The following MID1 variants were observed in gnomAD, a reference collection of about 807,000 sequenced individuals.
MID1 encodes the protein E3 ubiquitin-protein ligase Midline-1.
A neutral mutation model predicts 40.4 loss-of-function variants in MID1; 7 were observed. The observed-to-expected ratio is 0.17, with a 90% CI of 0.10 to 0.33. MID1 has a LOEUF of 0.33. Among genes scored for constraint, MID1 ranks in the 10% least tolerant of loss-of-function variants. The pLI is 1.00. For missense variants in MID1, 367 were observed against 558.5 expected, an observed-to-expected ratio of 0.66 and a Z score of 3.46; for synonymous variants, 229 against 221.2, an observed-to-expected ratio of 1.04 and a Z score of -0.31.
intron 1 of MID1, among the ~76,000 whole-genome samples, chrX:10,657,723 ATGATACTC>A (rs1389265390): frequency 8.9e-6 from 1 of 112,473 alleles, no homozygotes; most frequent in Non-Finnish European, 1.9e-5. Context: ...TTATGGGAGA[ATGATACTC>A]TGATATGGTT....
chrX:10,590,251 G>A (rs894601525), intron 1 of MID1, among the ~76,000 whole-genome samples: 12 of 111,668 alleles, frequency 1.1e-4, no homozygotes, highest in South Asian at 3.8e-4. Flanking sequence ...CTTAGGCGCC[G>A]GGCTACCTGC....
intron 2 of MID1, among the ~76,000 whole-genome samples, chrX:10,561,415 A>G (rs775884205): frequency 1.9e-5 from 2 of 107,127 alleles, no homozygotes; most frequent in South Asian, 7.4e-4. Context: ...AGAAACTACC[A>G]TCAGAGTGAA....
chrX:10,783,409 C>T (rs2043859311), intron 1 of MID1, among the ~76,000 whole-genome samples: 1 of 111,908 alleles, frequency 8.9e-6, no homozygotes, highest in African/African-American at 3.2e-5. Context: ...TTCCTCATCA[C>T]CTTTTTTTCT....
chrX:10,739,316 C>T (rs188484214), intron 1 of MID1, among the ~76,000 whole-genome samples: 137 of 111,865 alleles, frequency 1.2e-3, no homozygotes, highest in Non-Finnish European at 2.0e-3. Context: ...TATATCACTG[C>T]CTTCCTTGAG....
At chrX:10,530,049 G>A (rs1932920216) in intron 2 of MID1, among the ~76,000 whole-genome samples, 1 of 111,954 alleles carries the variant, frequency 8.9e-6, no homozygotes, top group Non-Finnish European at 1.9e-5. Flanking sequence ...CCCAAGAAGA[G>A]GGCCTTGAGA....
chrX:10,793,230 A>G (rs1292132954), intron 1 of MID1, among the ~76,000 whole-genome samples: 1 of 112,337 alleles, frequency 8.9e-6, no homozygotes, highest in African/African-American at 3.2e-5. Flanking sequence ...TTGGACATCA[A>G]ATGATTATTG....
chrX:10,624,549 T>C (rs1935976016), upstream of MID1, among the ~76,000 whole-genome samples: 1 of 112,319 alleles, frequency 8.9e-6, no homozygotes, highest in South Asian at 3.7e-4. Context: ...CCTTGAGTAA[T>C]CTGGTAAATG....
rs34917176 is a variant in MID1 at position 10,683,770 on chromosome X, C to CTTTTT, written c.-186-63356_-186-63352dup. Among the ~76,000 whole-genome samples the CTTTTT allele has an allele frequency of 5.3e-3, 241 of 45,090 alleles. 43 individuals are homozygous for CTTTTT. Among genetic ancestry groups the CTTTTT allele is most frequent in the African/African-American group, 0.017 (153 of 9,252 alleles). The allele number at this position is 45,090 out of a possible 115,157, so 39.2% of individuals were successfully genotyped here. On this transcript the variant is annotated intron_variant, in intron 1 of 10. Coordinates refer to the MID1 transcript ENST00000380785. The stretch of plus-strand genomic sequence containing the variant: ...CTGCACAGAAGGAATTGCACGTCAT[C>CTTTTT]TTTTTTTTTTTTTTTTTTTTTTTTT...
chrX:10,613,766 G>GAGAGAGAGAGAGACAGAC (rs1555910257), intron 1 of MID1, among the ~76,000 whole-genome samples: 2 of 75,808 alleles, frequency 2.6e-5, no homozygotes, highest in African/African-American at 1.2e-4. Flanking sequence ...GAGAGAGAGA[G>GAGAGAGAGAGAGACAGAC]AGACAGACAG....
At chrX:10,757,144 C>T (rs1302641560) in intron 1 of MID1, among the ~76,000 whole-genome samples, 1 of 111,880 alleles carries the variant, frequency 8.9e-6, no homozygotes, top group Non-Finnish European at 1.9e-5. Flanking sequence ...GAATTCCTGA[C>T]TCAGTAAATC....
intron 9 of MID1, among the ~76,000 whole-genome samples, chrX:10,451,218 T>A (rs1218511799): frequency 1.8e-5 from 2 of 111,874 alleles, no homozygotes; most frequent in East Asian, 5.6e-4. Context: ...AGAATCCAAG[T>A]TGCATTTCCC....
At chrX:10,733,261 A>C in intron 1 of MID1, among the ~76,000 whole-genome samples, 1 of 111,889 alleles carries the variant, frequency 8.9e-6, no homozygotes, top group East Asian at 2.8e-4. Flanking sequence ...TCATTTGAGT[A>C]AAAAATGAAC....
intron 1 of MID1, among the ~76,000 whole-genome samples, chrX:10,636,791 T>G (rs1192076791): frequency 6.3e-5 from 4 of 63,228 alleles, no homozygotes; most frequent in Admixed American, 5.1e-4. Context: ...TGGGGATATA[T>G]ATATATATAT....
At chrX:10,776,891 T>A (rs780940029) in intron 1 of MID1, among the ~76,000 whole-genome samples, 50 of 112,538 alleles carry the variant, frequency 4.4e-4, no homozygotes, top group Non-Finnish European at 1.1e-4. Flanking sequence ...ATTTGCTTAC[T>A]TCCAATGATT....
chrX:10,781,903 A>G (rs189101783), intron 1 of MID1, among the ~76,000 whole-genome samples: 7 of 112,402 alleles, frequency 6.2e-5, no homozygotes, highest in African/African-American at 2.3e-4. Flanking sequence ...AGTACATTGG[A>G]TTGCTCGAAA....
intron 1 of MID1, among the ~76,000 whole-genome samples, chrX:10,599,620 GCTC>G (rs1935479552): frequency 8.9e-6 from 1 of 112,095 alleles, no homozygotes; most frequent in African/African-American, 3.2e-5. Context: ...CAGGCCTCAT[GCTC>G]CTCATTTGTA....
chrX:10,666,506 T>A (rs2042952470), intron 1 of MID1, among the ~76,000 whole-genome samples: 1 of 110,090 alleles, frequency 9.1e-6, no homozygotes, highest in East Asian at 2.9e-4. Flanking sequence ...TAAGTGAAAC[T>A]AGCCAGCTAA....
chrX:10,465,214 T>TATACACACACAC (rs1477864693), intron 7 of MID1, among the ~76,000 whole-genome samples: 12 of 39,898 alleles, frequency 3.0e-4, no homozygotes, highest in African/African-American at 1.6e-3. Context: ...TATATATATA[T>TATACACACACAC]ACACACACAC....
chrX:10,592,691 C>T (rs779690879), intron 1 of MID1, among the ~76,000 whole-genome samples: 4 of 110,179 alleles, frequency 3.6e-5, no homozygotes, highest in Non-Finnish European at 5.7e-5. Context: ...AGCCACCCTA[C>T]GCACCCTACC....
Sources: gnomAD v4.1 joint callset for allele counts (sites outside exome capture counted in the v4.1 genomes callset) on GRCh38, gnomAD v4.1.1 for gene constraint, MANE v1.5 for transcripts, NCBI Gene and HGNC (gene_info 2026-07-23, HGNC 2026-07-21) for gene names.